Variants in ARHGAP25 observed in about 807,000 individuals in gnomAD.
ARHGAP25 encodes rho GTPase-activating protein 25.
A neutral mutation model predicts 71.0 loss-of-function variants in ARHGAP25; 34 were observed. That is an observed-to-expected ratio of 0.48 (90% CI 0.36 to 0.64). The LOEUF is 0.64. Among genes scored for constraint, ARHGAP25 ranks in the 30% least tolerant of loss-of-function variants. ARHGAP25 has a pLI of 0.00. For missense variants in ARHGAP25, 706 were observed against 805.1 expected (o/e 0.88, Z 1.49); for synonymous variants, 282 against 296.5 (o/e 0.95, Z 0.50).
upstream of ARHGAP25, among the ~76,000 whole-genome samples, chr2:68,733,962 C>G (rs1323792327): frequency 6.6e-6 from 1 of 152,194 alleles, no homozygotes; most frequent in African/African-American, 2.4e-5. Context: ...AGAAACTTGT[C>G]CATAGTCCCA....
At chr2:68,732,849 A>T (rs1009833592), upstream of ARHGAP25, among the ~76,000 whole-genome samples, 1 of 152,230 alleles carries the variant, frequency 6.6e-6, no homozygotes, top group Admixed American at 6.5e-5. Flanking sequence ...ACAGGAGTAT[A>T]CACCAGGTCA....
At chr2:68,751,631 A>G (rs1190174057) in intron 1 of ARHGAP25, among the ~76,000 whole-genome samples, 1 of 152,216 alleles carries the variant, frequency 6.6e-6, no homozygotes, top group Non-Finnish European at 1.5e-5. Flanking sequence ...GATTAGCTTC[A>G]GTAAGCCCAA....
At chr2:68,813,265 A>G in intron 5 of ARHGAP25, 22 bp from the exon 6 acceptor site, 1 of 1,598,626 alleles carries the variant, frequency 6.3e-7, no homozygotes, top group Non-Finnish European at 8.5e-7. Flanking sequence ...AGTTTCACAG[A>G]GCGTTGCTTA....
chr2:68,758,352 G>A (rs887314321), intron 1 of ARHGAP25, among the ~76,000 whole-genome samples: 3 of 151,860 alleles, frequency 2.0e-5, no homozygotes, highest in Non-Finnish European at 2.9e-5. Context: ...CCACCTATAC[G>A]CTGTCTACAA....
chr2:68,819,770 T>G, intron 9 of ARHGAP25: 11 of 368,858 alleles, frequency 3.0e-5, no homozygotes, highest in South Asian at 6.7e-5. Context: ...ATATTTCTCA[T>G]TCCTCGATAA....
chr2:68,731,478 CT>C (rs1297253017), upstream of ARHGAP25, among the ~76,000 whole-genome samples: 1 of 152,054 alleles, frequency 6.6e-6, no homozygotes, highest in African/African-American at 2.4e-5. Flanking sequence ...CTCCTCACCC[CT>C]ATCCTGTTGA....
chr2:68,807,372 T>G lies in ARHGAP25; in HGVS notation c.566T>G (p.Leu189Arg), dbSNP rs1680450388. The change falls in exon 5 of 11, where the codon CTG (leucine) becomes CGG (arginine). Residue 189 changes from leucine (L) to arginine (R), a missense_variant. Physicochemically the swap from Leu to Arg is moderately radical, Grantham distance 102. Coordinates refer to ENST00000409202, the MANE Select transcript of ARHGAP25 (RefSeq NM_001007231.3). The part of the protein sequence containing the change: ...ILVEKCAEFI[L>R]EHGRNEEGIF... Reference sequence around the variant, plus strand: ...GTGGAGAAATGTGCAGAGTTCATCCTGGAGCACGGCCGGAATGAAGAGGGC... The same window carrying G: ...GTGGAGAAATGTGCAGAGTTCATCCGGGAGCACGGCCGGAATGAAGAGGGC... The G allele has an allele frequency of 6.2e-7, 1 of 1,614,220 alleles. No individual in the cohort carries two copies. The highest frequency in any genetic ancestry group is 1.3e-5 in the African/African-American group (1 of 75,048).
At chr2:68,824,689 C>A (rs1681975918) in intron 10 of ARHGAP25, among the ~76,000 whole-genome samples, 1 of 151,998 alleles carries the variant, frequency 6.6e-6, no homozygotes, top group Non-Finnish European at 1.5e-5. Context: ...TTGCAGTGAG[C>A]CGAGATCATG....
chr2:68,734,100 A>G (rs1675098652), upstream of ARHGAP25, among the ~76,000 whole-genome samples: 1 of 152,152 alleles, frequency 6.6e-6, no homozygotes, highest in East Asian at 1.9e-4. Flanking sequence ...GAATAGAATA[A>G]AGGTTGAATT....
intron 1 of ARHGAP25, 32 bp from the exon 2 acceptor site, chr2:68,775,189 C>T (rs201934389): frequency 5.0e-6 from 8 of 1,614,126 alleles, no homozygotes; most frequent in African/African-American, 4.0e-5. Flanking sequence ...CCATGTCCCT[C>T]GGTCAGTCGG....
At chr2:68,738,756 G>A (rs1007003549) in intron 1 of ARHGAP25, among the ~76,000 whole-genome samples, 4 of 151,670 alleles carry the variant, frequency 2.6e-5, no homozygotes, top group Admixed American at 6.6e-5. Context: ...GGGAGGCGGA[G>A]GTTGTAGTGA....
At chr2:68,752,573 C>G (rs921269079) in intron 1 of ARHGAP25, among the ~76,000 whole-genome samples, 17 of 152,156 alleles carry the variant, frequency 1.1e-4, no homozygotes, top group Non-Finnish European at 1.8e-4. Context: ...AACATTCCCC[C>G]TTGGACATAG....
chr2:68,722,080 G>A (rs1475456842), intron 2 of ARHGAP25, among the ~76,000 whole-genome samples: 2 of 152,182 alleles, frequency 1.3e-5, no homozygotes, highest in Non-Finnish European at 2.9e-5. Context: ...GACAGACAGC[G>A]TCCTTTCTCA....
intron 4 of ARHGAP25, among the ~76,000 whole-genome samples, chr2:68,800,525 C>T (rs553748597): frequency 6.6e-6 from 1 of 151,954 alleles, no homozygotes; most frequent in East Asian, 1.9e-4. Flanking sequence ...GGAGACAAGG[C>T]GAACATGGTA....
rs1329869662 is a variant in ARHGAP25 at position 68,775,228 on chromosome 2, A to G, written c.69A>G (p.Ser23=). The change falls in exon 2 of 11, where the codon TCA becomes TCG. Residue 23 remains serine, a synonymous_variant. Transcript: ENST00000409202. ...LKVEAAKIAR[S]RSVMTGEQMA... Reference sequence around the variant, plus strand: ...GTCTGTTCCTCTCTATAGCTCGGTCAAGGAGTGTGATGACTGGCGAGCAGA... The same window carrying G: ...GTCTGTTCCTCTCTATAGCTCGGTCGAGGAGTGTGATGACTGGCGAGCAGA... The G allele has an allele frequency of 1.2e-6, 2 of 1,614,116 alleles. No homozygotes were observed. The highest frequency in any genetic ancestry group is 2.2e-5 in the East Asian group (1 of 44,894).
intron 4 of ARHGAP25, among the ~76,000 whole-genome samples, chr2:68,801,689 G>T (rs11889350): frequency 1.4e-4 from 22 of 152,128 alleles, no homozygotes; most frequent in Non-Finnish European, 2.9e-4. Flanking sequence ...GAGCCAGATG[G>T]ACTGTCTGCC....
intron 7 of ARHGAP25, chr2:68,816,594 G>T: frequency 1.9e-6 from 1 of 518,316 alleles, no homozygotes; most frequent in Non-Finnish European, 3.5e-6. Flanking sequence ...CCTCAGCACT[G>T]CCCAGAGTCC....
At chr2:68,781,784 G>A (rs1005770538) in intron 2 of ARHGAP25, among the ~76,000 whole-genome samples, 8 of 152,226 alleles carry the variant, frequency 5.3e-5, no homozygotes, top group South Asian at 2.1e-4. Context: ...GTGAAGGTGC[G>A]AGCACCTTCT....
In ARHGAP25 at chr2:68,783,414, A is replaced by T. The variant is rs72899828; in HGVS notation, c.349+1094A>T. ...GTTTATAGAATACAAATTTACAAAAATTTTTAAGTTTCTAGATGCTTGCTT... is the reference window on the plus strand; with the variant it reads ...GTTTATAGAATACAAATTTACAAAATTTTTTAAGTTTCTAGATGCTTGCTT... On this transcript the variant is annotated intron_variant, in intron 3 of 10. Transcript: ENST00000409202. Among the ~76,000 whole-genome samples, 1,380 of 151,818 alleles carry T rather than the reference A, an allele frequency of 9.1e-3. 20 individuals are homozygous for T. The highest frequency in any genetic ancestry group is 0.032 in the African/African-American group (1,312 of 41,398).
Sources: allele counts gnomAD v4.1 joint callset (sites outside exome capture counted in the v4.1 genomes callset), GRCh38; gene constraint gnomAD v4.1.1; transcripts MANE v1.5; gene names NCBI Gene and HGNC (gene_info 2026-07-23, HGNC 2026-07-21).